Variants in ALK observed in about 807,000 individuals in gnomAD.
ALK encodes ALK tyrosine kinase receptor.
In ALK, 74 loss-of-function variants were observed where a neutral mutation model predicts 163.1. That is an observed-to-expected ratio of 0.45 (90% CI 0.38 to 0.55). The LOEUF (loss-of-function observed/expected upper bound fraction) is 0.55. Among genes scored for constraint, ALK ranks in the 20% least tolerant of loss-of-function variants. The pLI, the probability that ALK is intolerant of heterozygous loss-of-function variation, is 0.00. For missense variants in ALK, 2,063 were observed against 2,105.3 expected, an observed-to-expected ratio of 0.98 and a Z score of 0.39; for synonymous variants, 960 against 843.2, an observed-to-expected ratio of 1.14 and a Z score of -2.40.
At position 29,607,074 on chromosome 2, in the gene ALK, G is replaced by A. The variant is rs557165291; in HGVS notation, c.953-74958C>T. Among the ~76,000 whole-genome samples the A allele has an allele frequency of 9.9e-5, 15 of 152,276 alleles. No individual in the cohort carries two copies. The East Asian group carries it at 2.7e-3, about 27-fold the overall frequency. ...GCACAGGCAGTGAAACACCAATCTT[G>A]TTGCTTATTACTGTTCTTTGAATTG... On this transcript the variant is annotated intron_variant, in intron 3 of 28. Transcript: ENST00000389048.
chr2:29,731,847 A>G (rs938925522), intron 1 of ALK, among the ~76,000 whole-genome samples: 13 of 152,336 alleles, frequency 8.5e-5, no homozygotes, highest in African/African-American at 2.9e-4. Flanking sequence ...TCTATCTCTT[A>G]TAATTGTGGA....
chr2:29,502,195 G>A (rs1672206308), intron 4 of ALK, among the ~76,000 whole-genome samples: 2 of 152,162 alleles, frequency 1.3e-5, no homozygotes, highest in African/African-American at 4.8e-5. Flanking sequence ...AGTCCATGCA[G>A]CACCCTTAGT....
rs2148170705 is a variant in ALK, at chr2:29,223,367, G to T, written c.3334C>A (p.Pro1112Thr). 2 of 1,614,170 alleles carry T rather than the reference G, an allele frequency of 1.2e-6. No individual in the cohort carries two copies. The highest frequency in any genetic ancestry group is 8.5e-7 in the Non-Finnish European group (1 of 1,180,030). The change falls in exon 20 of 29, where the codon CCG becomes ACG. Residue 1112 changes from proline (P) to threonine (T), a missense_variant. This residue lies in a region of ALK where 575 missense variants were observed against 626.6 expected (regional missense o/e 0.92). Transcript: ENST00000389048. ...CGAATGAGGGTGATGTTTTTCCGCG[G>T]CACCTCCTTCAGGTCACTGATGGAG... Reference protein sequence around the residue: ...TSSISDLKEVPRKNITLIRGL... With the variant: ...TSSISDLKEVTRKNITLIRGL...
At chr2:29,904,276 A>G (rs895545379) in intron 1 of ALK, among the ~76,000 whole-genome samples, 1 of 152,212 alleles carries the variant, frequency 6.6e-6, no homozygotes, top group African/African-American at 2.4e-5. Context: ...CTGGTTCAAT[A>G]TGGAATCCTT....
At chr2:29,476,914 T>C (rs762304376) in intron 4 of ALK, among the ~76,000 whole-genome samples, 30 of 152,208 alleles carry the variant, frequency 2.0e-4, no homozygotes, top group Non-Finnish European at 3.1e-4. Flanking sequence ...TGCCCTTTTA[T>C]CGTTGGTTGA....
chr2:29,687,405 T>A (rs916110605), intron 3 of ALK, among the ~76,000 whole-genome samples: 4 of 152,074 alleles, frequency 2.6e-5, no homozygotes, highest in Admixed American at 2.0e-4. Context: ...GCCTACTGCA[T>A]CCTAGCCAGG....
intron 1 of ALK, among the ~76,000 whole-genome samples, chr2:29,895,652 C>T (rs1309327549): frequency 2.0e-5 from 3 of 152,194 alleles, no homozygotes; most frequent in South Asian, 2.1e-4. Context: ...TATTTTATTC[C>T]TTCTAGATGA....
At chr2:29,325,338 C>T (rs940271399) in intron 6 of ALK, among the ~76,000 whole-genome samples, 1 of 152,182 alleles carries the variant, frequency 6.6e-6, no homozygotes, top group African/African-American at 2.4e-5. Context: ...TTCTGGAAAC[C>T]ATCCCCCTGA....
At chr2:29,346,370 C>A (rs997956819) in intron 5 of ALK, among the ~76,000 whole-genome samples, 2 of 152,196 alleles carry the variant, frequency 1.3e-5, no homozygotes, top group African/African-American at 2.4e-5. Flanking sequence ...CTCATTCACA[C>A]CCCTGACCCA....
intron 1 of ALK, among the ~76,000 whole-genome samples, chr2:29,914,990 G>A (rs916441794): frequency 6.6e-6 from 1 of 152,186 alleles, no homozygotes; most frequent in African/African-American, 2.4e-5. Flanking sequence ...CCTACCATAG[G>A]ATTAATAAGT....
intron 4 of ALK, among the ~76,000 whole-genome samples, chr2:29,444,878 A>G (rs1281562171): frequency 2.6e-5 from 4 of 152,192 alleles, no homozygotes; most frequent in African/African-American, 9.7e-5. Flanking sequence ...GGTCCTGCCC[A>G]TGCCTGTCCA....
At chr2:29,894,544 A>G (rs1439377877) in intron 1 of ALK, among the ~76,000 whole-genome samples, 1 of 152,102 alleles carries the variant, frequency 6.6e-6, no homozygotes, top group African/African-American at 2.4e-5. Context: ...GAGGGGGAGC[A>G]GGGAAAAAAA....
chr2:29,810,293 T>C (rs1411773061), intron 1 of ALK, among the ~76,000 whole-genome samples: 3 of 151,800 alleles, frequency 2.0e-5, no homozygotes, highest in African/African-American at 7.3e-5. Flanking sequence ...GTGGTGGTGG[T>C]TGCCTGTAAT....
At chr2:29,758,813 T>A (rs978678359) in intron 1 of ALK, among the ~76,000 whole-genome samples, 1 of 152,220 alleles carries the variant, frequency 6.6e-6, no homozygotes, top group Non-Finnish European at 1.5e-5. Context: ...ACATTTCAGA[T>A]TTGCCTTGAA....
At chr2:29,493,538 T>A (rs565509565) in intron 4 of ALK, among the ~76,000 whole-genome samples, 11 of 152,196 alleles carry the variant, frequency 7.2e-5, no homozygotes, top group African/African-American at 2.7e-4. Context: ...GCCTTCCTGT[T>A]TTCTCTTTTA....
intron 1 of ALK, among the ~76,000 whole-genome samples, chr2:29,916,813 G>T (rs943213855): frequency 6.6e-6 from 1 of 152,146 alleles, no homozygotes; most frequent in African/African-American, 2.4e-5. Flanking sequence ...GATACAAACT[G>T]GAGCTGTGGG....
chr2:29,757,280 T>A (rs1419717525), intron 1 of ALK, among the ~76,000 whole-genome samples: 1 of 152,170 alleles, frequency 6.6e-6, no homozygotes, highest in Non-Finnish European at 1.5e-5. Context: ...GTACTCCTGA[T>A]CTCTTACTAC....
At chr2:29,858,343 T>C (rs951877465) in intron 1 of ALK, among the ~76,000 whole-genome samples, 1 of 152,108 alleles carries the variant, frequency 6.6e-6, no homozygotes, top group African/African-American at 2.4e-5. Flanking sequence ...TAATTAAGCA[T>C]GAGGAACATC....
intron 1 of ALK, among the ~76,000 whole-genome samples, chr2:29,853,492 C>A (rs1400740085): frequency 6.6e-6 from 1 of 152,146 alleles, no homozygotes; most frequent in African/African-American, 2.4e-5. Flanking sequence ...CCACACCTTG[C>A]TCTCCCCACT....
Sources: allele counts gnomAD v4.1 joint callset (sites outside exome capture counted in the v4.1 genomes callset), GRCh38; gene constraint gnomAD v4.1.1; regional missense constraint gnomAD v4.1.1; transcripts MANE v1.5; gene names NCBI Gene and HGNC (gene_info 2026-07-23, HGNC 2026-07-21).